Variants in ANXA6 observed in about 807,000 individuals in gnomAD.
ANXA6 encodes the protein 67 kDa calelectrin.
In ANXA6, 71 loss-of-function variants were observed where a neutral mutation model predicts 95.4. The ratio of observed to expected loss-of-function variants is 0.74; its 90% CI spans 0.61 to 0.91. The LOEUF (loss-of-function observed/expected upper bound fraction) is 0.91, where lower values mean the gene tolerates loss of function less well. Ranked by LOEUF, ANXA6 falls within the 40% of genes least tolerant of loss-of-function variation. ANXA6 has a pLI of 0.00. For synonymous variants in ANXA6, 289 were observed against 315.9 expected, an observed-to-expected ratio of 0.91 and a Z score of 0.90; for missense variants, 830 against 876.4, an observed-to-expected ratio of 0.95 and a Z score of 0.67.
At position 151,136,139 on chromosome 5, in the gene ANXA6, C is replaced by T. The variant is rs1487586570; in HGVS notation, c.489+117G>A. 5 of 895,314 alleles carry T rather than the reference C, an allele frequency of 5.6e-6. No individual in the cohort carries two copies. The African/African-American group carries it at 6.7e-5, about 12-fold the overall frequency. 55.5% of individuals were successfully genotyped at this position (895,314 alleles called of 1,614,324 possible). On this transcript the variant is annotated intron_variant, in intron 7 of 25. Transcript: ENST00000354546. Reference sequence around the variant, plus strand: ...AGAGAAAGAGGATTAGCCAAATACACCTGCCTGTGCAAACCAGGGGAAGCT... The same window carrying T: ...AGAGAAAGAGGATTAGCCAAATACATCTGCCTGTGCAAACCAGGGGAAGCT...
chr5:151,117,337 G>A (rs904082640), intron 19 of ANXA6, among the ~76,000 whole-genome samples, 157 bp from the exon 20 acceptor site: 3 of 152,172 alleles, frequency 2.0e-5, no homozygotes, highest in African/African-American at 7.2e-5. Flanking sequence ...GGCTGTTGTG[G>A]TCATTAACTG....
rs377051808 is a variant in ANXA6, at chr5:151,105,310, G to A, written c.1781-7C>T. On this transcript the variant is annotated splice_polypyrimidine_tract_variant and splice_region_variant and intron_variant, in intron 23 of 25. Coordinates refer to ENST00000354546, the MANE Select transcript of ANXA6 (RefSeq NM_001155.5). ...TTGTTCTTGACACTTTGAACTGGTA[G>A]GAAGAGCAGAGAGATGCGGGGAACG... is the stretch of plus-strand genomic sequence containing the variant. 1 of 1,613,780 alleles carries A rather than the reference G, an allele frequency of 6.2e-7. No individual in the cohort carries two copies. Among genetic ancestry groups the A allele is most frequent in the African/African-American group, 1.3e-5 (1 of 74,946 alleles).
chr5:151,124,275 A>G lies in ANXA6; in HGVS notation c.1138+11T>C, dbSNP rs1341617204. The G allele has an allele frequency of 2.5e-6, 4 of 1,612,710 alleles. No homozygotes were observed. The highest frequency in any genetic ancestry group is 3.4e-6 in the Non-Finnish European group (4 of 1,179,360). The stretch of plus-strand genomic sequence containing the variant: ...TGGAGACCAACCCTGCTCCCTTCCC[A>G]TCCCCCATACCGAGTCCCTTCATGG... On this transcript the variant is annotated intron_variant, in intron 15 of 25. Coordinates refer to ENST00000354546, the MANE Select transcript of ANXA6 (RefSeq NM_001155.5).
chr5:151,101,481 C>T lies in ANXA6; in HGVS notation c.1989G>A (p.Lys663=). Residue 663 remains lysine, a synonymous_variant, in exon 26 of 26, where the codon AAG becomes AAA. Transcript: ENST00000354546. ...CACCACCACAGAGAGCCAGCAAGGC[C>T]TTCAGGAAGTCTCCGGAGGTGTCAC... ...IEGDTSGDFL[K]ALLALCGGED is the part of the protein sequence containing the mutation. 1 of 1,561,742 alleles carries T rather than the reference C, an allele frequency of 6.4e-7. No individual in the cohort carries two copies. The highest frequency in any genetic ancestry group is 8.7e-7 in the Non-Finnish European group (1 of 1,152,928).
chr5:151,152,277 C>T (rs1253729768), intron 1 of ANXA6, among the ~76,000 whole-genome samples: 3 of 152,170 alleles, frequency 2.0e-5, no homozygotes, highest in African/African-American at 4.8e-5. Context: ...TAGCACAGTG[C>T]GTGGCACACA....
At chr5:151,114,790 T>C (rs11958849) in intron 20 of ANXA6, among the ~76,000 whole-genome samples, 18,224 of 152,072 alleles carry the variant, frequency 0.12, 1,248 homozygotes, top group African/African-American at 0.18. Context: ...CAGTTGGAAA[T>C]TGGACATATG....
chr5:151,131,342 T>C lies in ANXA6; in HGVS notation c.737-53A>G, dbSNP rs189997742. 2.2e-4 allele frequency: 348 copies of C among 1,570,718 alleles called. 3 individuals are homozygous for C. The Middle Eastern group carries it at 4.7e-3, about 21-fold the overall frequency. On this transcript the variant is annotated intron_variant, in intron 10 of 25. Coordinates refer to ENST00000354546, the MANE Select transcript of ANXA6 (RefSeq NM_001155.5). ...TATTCTGGCTGCCTCAGAAGGGGGATGGGATGGCCTGACTCCCTCTTTGTT... is the reference window on the plus strand; with the variant it reads ...TATTCTGGCTGCCTCAGAAGGGGGACGGGATGGCCTGACTCCCTCTTTGTT...
intron 25 of ANXA6, among the ~76,000 whole-genome samples, chr5:151,102,828 C>T (rs1764585688): frequency 6.6e-6 from 1 of 152,018 alleles, no homozygotes; most frequent in Non-Finnish European, 1.5e-5. Flanking sequence ...TTGCCTATGG[C>T]TGGGGATGGA....
At chr5:151,138,403 C>G (rs1165046187) in intron 5 of ANXA6, among the ~76,000 whole-genome samples, 1 of 152,164 alleles carries the variant, frequency 6.6e-6, no homozygotes, top group Non-Finnish European at 1.5e-5. Context: ...TGCCCTTGGC[C>G]TCAGGAGTGT....
chr5:151,110,441 G>A (rs995074412), intron 21 of ANXA6, among the ~76,000 whole-genome samples, 186 bp downstream of exon 21: 1 of 152,212 alleles, frequency 6.6e-6, no homozygotes, highest in African/African-American at 2.4e-5. Context: ...TCGTGCCAGA[G>A]ATGATTAGCT....
chr5:151,116,125 G>A (rs1288915096), intron 20 of ANXA6, among the ~76,000 whole-genome samples: 1 of 152,240 alleles, frequency 6.6e-6, no homozygotes, highest in African/African-American at 2.4e-5. Flanking sequence ...TCCAGCTAAA[G>A]ATTTTTCTAG....
Position 151,138,694 on chromosome 5 carries a change from A to T in ANXA6, c.302T>A (p.Ile101Asn), listed in dbSNP as rs1466741193. 6.2e-7 allele frequency: 1 copy of T among 1,613,436 alleles called. No individual in the cohort carries two copies. The highest frequency in any genetic ancestry group is 1.1e-5 in the South Asian group (1 of 91,056). Residue 101 changes from isoleucine (I) to asparagine (N), a missense_variant, in exon 5 of 26, where the codon ATT (isoleucine) becomes AAT (asparagine). Coordinates refer to ENST00000354546, the MANE Select transcript of ANXA6 (RefSeq NM_001155.5). ...RPPAYCDAKE[I>N]KDAISGIGTD... ...ACTTCTTACCGAGATGGCATCTTTA[A>T]TTTCTTTGGCATCACAATAGGCAGG... is the stretch of plus-strand genomic sequence containing the variant.
At chr5:151,122,882 C>T (rs1207496135) in intron 16 of ANXA6, 35 bp downstream of exon 16, 1 of 1,583,828 alleles carries the variant, frequency 6.3e-7, no homozygotes, top group Non-Finnish European at 8.7e-7. Flanking sequence ...AAGGTGCATG[C>T]ATGTTGCACA....
Position 151,134,375 on chromosome 5 carries a change from C to G in ANXA6, c.546+52G>C. On this transcript the variant is annotated intron_variant, in intron 8 of 25. Coordinates refer to ENST00000354546, the MANE Select transcript of ANXA6 (RefSeq NM_001155.5). ...CCTTCCCAGGGCCCCAACCTCTCCC[C>G]TCCCAAGGCTCTTCTGCTGTGCCTC... 1.9e-6 allele frequency: 3 copies of G among 1,596,402 alleles called. No individual in the cohort carries two copies. The South Asian group carries it at 3.3e-5, about 18-fold the overall frequency.
intron 18 of ANXA6, among the ~76,000 whole-genome samples, chr5:151,118,521 C>T (rs1459767178): frequency 2.0e-5 from 3 of 152,132 alleles, no homozygotes; most frequent in South Asian, 2.1e-4. Flanking sequence ...GCAACCTCTG[C>T]TTCCCAGGTT....
chr5:151,131,374 C>T, intron 10 of ANXA6, 85 bp from the exon 11 acceptor site: 1 of 1,371,998 alleles, frequency 7.3e-7, no homozygotes, highest in Non-Finnish European at 1.0e-6. Context: ...TGTTTCTATT[C>T]CTTGAGGGCC....
chr5:151,145,970 C>T (rs1765965806), intron 2 of ANXA6, among the ~76,000 whole-genome samples: 1 of 152,122 alleles, frequency 6.6e-6, no homozygotes, highest in African/African-American at 2.4e-5. Context: ...GGGGTGCCCT[C>T]CTGCATGCCC....
intron 2 of ANXA6, chr5:151,141,751 A>T (rs767398213): frequency 1.8e-5 from 18 of 978,318 alleles, no homozygotes; most frequent in Middle Eastern, 5.2e-4. Flanking sequence ...TCTTCCTGCC[A>T]CCTGGGAATC....
intron 18 of ANXA6, 96 bp from the exon 19 acceptor site, chr5:151,117,933 T>C: frequency 1.0e-6 from 1 of 978,616 alleles, no homozygotes; most frequent in East Asian, 2.6e-5. Flanking sequence ...GCCAGGGCAG[T>C]ATTGGCAGGG....
Sources: gnomAD v4.1 joint callset for allele counts (sites outside exome capture counted in the v4.1 genomes callset) on GRCh38, gnomAD v4.1.1 for gene constraint, MANE v1.5 for transcripts, NCBI Gene and HGNC (gene_info 2026-07-23, HGNC 2026-07-21) for gene names.